The following DLGAP2 variants were observed in gnomAD, a reference collection of about 807,000 sequenced individuals.
The protein encoded by DLGAP2 is disks large-associated protein 2.
A neutral mutation model predicts 100.3 loss-of-function variants in DLGAP2; 26 were observed. The observed-to-expected ratio is 0.26, with a 90% CI of 0.19 to 0.36. The LOEUF (loss-of-function observed/expected upper bound fraction) is 0.36, where lower values mean the gene tolerates loss of function less well. DLGAP2 is among the 10% of genes least tolerant of loss of function. DLGAP2 has a pLI of 1.00. For synonymous variants in DLGAP2, 886 were observed against 630.1 expected, an observed-to-expected ratio of 1.41 and a Z score of -6.08; for missense variants, 1,858 against 1,453.2, an observed-to-expected ratio of 1.28 and a Z score of -4.53.
At chr8:1,130,590 G>A (rs1014309128) in intron 2 of DLGAP2, among the ~76,000 whole-genome samples, 2 of 152,180 alleles carry the variant, frequency 1.3e-5, no homozygotes, top group African/African-American at 4.8e-5. Flanking sequence ...GGTCCCTGGC[G>A]ACAAGGAGAC....
intron 2 of DLGAP2, among the ~76,000 whole-genome samples, chr8:1,203,198 G>A (rs17062789): frequency 0.24 from 33,787 of 139,744 alleles, 5,706 homozygotes; most frequent in Middle Eastern, 0.39. Context: ...TGCACGAGGG[G>A]ATTATAGACG....
At chr8:780,993 C>T (rs1372981258) in intron 1 of DLGAP2, among the ~76,000 whole-genome samples, 1 of 152,182 alleles carries the variant, frequency 6.6e-6, no homozygotes, top group East Asian at 1.9e-4. Context: ...ACATTTCTCT[C>T]CATGAGGTTG....
At chr8:1,480,053 G>C (rs2130240995) in intron 3 of DLGAP2, among the ~76,000 whole-genome samples, 1 of 152,336 alleles carries the variant, frequency 6.6e-6, no homozygotes, top group South Asian at 2.1e-4. Context: ...CTCTTGCAGA[G>C]AGAGGCACGG....
intron 6 of DLGAP2, among the ~76,000 whole-genome samples, chr8:1,582,166 A>T (rs1357524223): frequency 2.0e-5 from 3 of 151,644 alleles, no homozygotes; most frequent in African/African-American, 7.3e-5. Flanking sequence ...CCACAGTCAA[A>T]CTACCAGAAG....
intron 2 of DLGAP2, among the ~76,000 whole-genome samples, chr8:926,894 G>A (rs961741182): frequency 1.3e-5 from 2 of 152,230 alleles, no homozygotes; most frequent in Admixed American, 1.3e-4. Flanking sequence ...GGAGCGGAGC[G>A]AGCCTCGTAG....
intron 2 of DLGAP2, among the ~76,000 whole-genome samples, chr8:1,107,630 G>C (rs1284308589): frequency 6.6e-6 from 1 of 152,218 alleles, no homozygotes; most frequent in Non-Finnish European, 1.5e-5. Flanking sequence ...CTTTCTGTGT[G>C]ACGTGTGCCT....
intron 2 of DLGAP2, among the ~76,000 whole-genome samples, chr8:990,317 T>TCCACCAC (rs1800626284): frequency 2.0e-5 from 3 of 146,760 alleles, no homozygotes; most frequent in African/African-American, 7.7e-5. Context: ...CCAGACCCCC[T>TCCACCAC]GCACCCCCAT....
chr8:954,247 C>T (rs563917663), intron 2 of DLGAP2, among the ~76,000 whole-genome samples: 27 of 152,218 alleles, frequency 1.8e-4, no homozygotes, highest in South Asian at 6.2e-4. Flanking sequence ...ATTTTATGTG[C>T]GCAATACAGT....
At chr8:925,865 A>T (rs1798803438) in intron 2 of DLGAP2, among the ~76,000 whole-genome samples, 1 of 152,170 alleles carries the variant, frequency 6.6e-6, no homozygotes, top group Non-Finnish European at 1.5e-5. Context: ...AAAGGCAGGC[A>T]GGGGCGTTGC....
chr8:892,467 A>G (rs1798055468), intron 1 of DLGAP2, among the ~76,000 whole-genome samples: 1 of 152,018 alleles, frequency 6.6e-6, no homozygotes, highest in Non-Finnish European at 1.5e-5. Flanking sequence ...TTGCTGTGTG[A>G]CTCCACTCAT....
At chr8:806,794 C>T (rs1411666688) in intron 1 of DLGAP2, among the ~76,000 whole-genome samples, 1 of 152,220 alleles carries the variant, frequency 6.6e-6, no homozygotes, top group Non-Finnish European at 1.5e-5. Context: ...TATGATGTCG[C>T]TCTTCTTATT....
chr8:1,511,103 G>C (rs964632130), intron 4 of DLGAP2, among the ~76,000 whole-genome samples: 1 of 152,238 alleles, frequency 6.6e-6, no homozygotes, highest in Non-Finnish European at 1.5e-5. Context: ...CCACACTGTG[G>C]AACCGAAAAT....
chr8:1,103,339 G>T (rs188578910), intron 2 of DLGAP2, among the ~76,000 whole-genome samples: 2 of 151,346 alleles, frequency 1.3e-5, no homozygotes, highest in Non-Finnish European at 2.9e-5. Context: ...GTGATGACTG[G>T]CAGGGCCTTG....
At chr8:1,584,196 G>A (rs753180511) in intron 6 of DLGAP2, among the ~76,000 whole-genome samples, 1 of 152,132 alleles carries the variant, frequency 6.6e-6, no homozygotes, top group African/African-American at 2.4e-5. Flanking sequence ...TGACTCATTT[G>A]TCAGGGATTA....
At chr8:989,035 G>A (rs1035747905) in intron 2 of DLGAP2, among the ~76,000 whole-genome samples, 7 of 152,250 alleles carry the variant, frequency 4.6e-5, no homozygotes, top group Admixed American at 1.3e-4. Context: ...CTCTGCTGTC[G>A]AGGGCTCTCC....
At chr8:1,048,971 C>G (rs533390326) in intron 2 of DLGAP2, among the ~76,000 whole-genome samples, 1 of 152,320 alleles carries the variant, frequency 6.6e-6, no homozygotes, top group East Asian at 1.9e-4. Context: ...GCCACACCAG[C>G]TTTCGGTTTT....
chr8:1,698,207 A>G (rs991820851), intron 14 of DLGAP2, among the ~76,000 whole-genome samples: 6 of 152,174 alleles, frequency 3.9e-5, no homozygotes, highest in Non-Finnish European at 7.4e-5. Context: ...CTCATCCCAG[A>G]CGACAGGGGA....
At chr8:1,136,888 A>G (rs765179710) in intron 2 of DLGAP2, among the ~76,000 whole-genome samples, 5 of 152,202 alleles carry the variant, frequency 3.3e-5, no homozygotes, top group Admixed American at 1.3e-4. Flanking sequence ...GAACAAAGAC[A>G]TTTGATAGCA....
intron 6 of DLGAP2, among the ~76,000 whole-genome samples, chr8:1,614,969 G>T (rs1797103648): frequency 6.6e-6 from 1 of 152,244 alleles, no homozygotes; most frequent in East Asian, 1.9e-4. Context: ...GCTGCCCATG[G>T]TCCTGTGAGT....
Sources: gnomAD v4.1 joint callset for allele counts (sites outside exome capture counted in the v4.1 genomes callset) on GRCh38, gnomAD v4.1.1 for gene constraint, MANE v1.5 for transcripts, NCBI Gene and HGNC (gene_info 2026-07-23, HGNC 2026-07-21) for gene names.